Variants in ZMYM2 observed in about 807,000 individuals in gnomAD.
ZMYM2 encodes zinc finger MYM-type protein 2.
ZMYM2 carries 56 observed loss-of-function variants against 162.8 expected under a neutral mutation model. The ratio of observed to expected loss-of-function variants is 0.34; its 90% CI spans 0.28 to 0.43. The LOEUF is 0.43. Ranked by LOEUF, ZMYM2 falls within the 20% of genes least tolerant of loss-of-function variation. The probability of loss-of-function intolerance (pLI) is 1.00; values close to 1 mark genes in which losing one functional copy is unlikely to be tolerated. For synonymous variants in ZMYM2, 510 were observed against 541.6 expected (o/e 0.94, Z 0.81); for missense variants, 1,275 against 1,621.8 (o/e 0.79, Z 3.67).
chr13:20,067,425 T>G (rs747695659), intron 21 of ZMYM2, 35 bp downstream of exon 21: 3 of 1,546,258 alleles, frequency 1.9e-6, no homozygotes, highest in East Asian at 4.6e-5. Flanking sequence ...AAGTATAACA[T>G]TAATAAGAAA....
chr13:19,919,687 T>C, the ZMYM2 span, among the ~76,000 whole-genome samples: 127 of 151,834 alleles, frequency 8.4e-4, no homozygotes, highest in African/African-American at 3.0e-3. Context: ...TTTCTTTTTT[T>C]TTTTTTTGAA....
the ZMYM2 span, among the ~76,000 whole-genome samples, chr13:19,890,234 C>T: frequency 6.6e-6 from 1 of 151,768 alleles, no homozygotes; most frequent in African/African-American, 2.4e-5. Flanking sequence ...GTGGTGTGAG[C>T]TCAGCTCATG....
In ZMYM2 at chr13:20,051,249, A is replaced by C. The variant is rs1271556856; in HGVS notation, c.2293-184A>C. ...ATAGGATGGACTTTGTCAACTGTGA[A>C]ATTGTATTTTTTTTTTTTTTTTTCA... is the stretch of plus-strand genomic sequence containing the variant. On this transcript the variant is annotated intron_variant, in intron 12 of 24. Transcript: ENST00000610343. 2.4e-4 allele frequency among the ~76,000 whole-genome samples: 7 copies of C among 29,730 alleles called. No homozygotes were observed. The East Asian group carries it at 4.1e-3, about 17-fold the overall frequency. 19.5% of individuals were successfully genotyped at this position (29,730 alleles called of 152,430 possible).
At position 19,993,306 on chromosome 13, in the gene ZMYM2, T is replaced by A; in HGVS notation, c.234T>A (p.Asp78Glu). ...PPPPSVPVVA[D>E]QRTITFTSSK... ...CACCTTCTGTACCAGTGGTAGCTGA[T>A]CAAAGAACCATAACATTTACATCAT... The change falls in exon 3 of 25, where the codon GAT becomes GAA. Residue 78 changes from aspartate to glutamate, a missense_variant. This residue lies in a region of ZMYM2 where 295 missense variants were observed against 286.7 expected (regional missense o/e 1.03). Coordinates refer to ENST00000610343, the MANE Select transcript of ZMYM2 (RefSeq NM_197968.4). The A allele has an allele frequency of 6.2e-7, 1 of 1,613,890 alleles. No homozygotes were observed. The highest frequency in any genetic ancestry group is 8.5e-7 in the Non-Finnish European group (1 of 1,179,870).
At chr13:20,046,581 ATGTGTGTGTGTG>A (rs1249162923) in intron 12 of ZMYM2, among the ~76,000 whole-genome samples, 70 of 117,512 alleles carry the variant, frequency 6.0e-4, no homozygotes, top group South Asian at 1.7e-3. Context: ...ATATATATAT[ATGTGTGTGTGTG>A]TGTGTGTGTG....
chr13:20,045,360 G>T (rs1954673198), intron 12 of ZMYM2, among the ~76,000 whole-genome samples: 1 of 152,076 alleles, frequency 6.6e-6, no homozygotes, highest in East Asian at 1.9e-4. Flanking sequence ...AGACTAAGAG[G>T]TTTGATGTAC....
chr13:20,051,374 A>G, intron 12 of ZMYM2, 59 bp from the exon 13 acceptor site: 1 of 1,573,964 alleles, frequency 6.4e-7, no homozygotes. Context: ...TCACTGATAA[A>G]CTTCTGGAAA....
At chr13:19,876,227 A>G in the ZMYM2 span, among the ~76,000 whole-genome samples, 3 of 152,042 alleles carry the variant, frequency 2.0e-5, no homozygotes, top group Non-Finnish European at 4.4e-5. Flanking sequence ...AGGTTTCACC[A>G]TGTTGGCCAG....
At chr13:19,887,609 C>T in the ZMYM2 span, among the ~76,000 whole-genome samples, 3 of 151,230 alleles carry the variant, frequency 2.0e-5, no homozygotes, top group African/African-American at 4.9e-5. Context: ...TAAGAAACCT[C>T]GTGATTTTTG....
chr13:20,001,246 G>A (rs981989265), intron 3 of ZMYM2, among the ~76,000 whole-genome samples: 1 of 152,012 alleles, frequency 6.6e-6, no homozygotes, highest in African/African-American at 2.4e-5. Flanking sequence ...ATAAAAATCA[G>A]CTAGGTGTGG....
At chr13:19,871,924 A>C in the ZMYM2 span, among the ~76,000 whole-genome samples, 1 of 152,120 alleles carries the variant, frequency 6.6e-6, no homozygotes, top group Admixed American at 6.6e-5. Context: ...TTTAAAATGC[A>C]CATGTGTAGA....
At chr13:20,029,214 A>G (rs1952852825) in intron 9 of ZMYM2, among the ~76,000 whole-genome samples, 1 of 152,222 alleles carries the variant, frequency 6.6e-6, no homozygotes, top group African/African-American at 2.4e-5. Context: ...TTCCTCATAG[A>G]TGGTACCTTC....
chr13:19,865,689 A>G, the ZMYM2 span, among the ~76,000 whole-genome samples: 8 of 152,326 alleles, frequency 5.3e-5, no homozygotes, highest in Non-Finnish European at 1.0e-4. Context: ...GATACTGTTC[A>G]AAGATTAAAA....
At chr13:20,078,166 G>A (rs1957648936) in intron 21 of ZMYM2, among the ~76,000 whole-genome samples, 1 of 151,458 alleles carries the variant, frequency 6.6e-6, no homozygotes, top group Admixed American at 6.6e-5. Context: ...TTTTTTCTTG[G>A]GCGTAGCATC....
intron 19 of ZMYM2, among the ~76,000 whole-genome samples, chr13:20,066,410 T>C (rs557048264): frequency 6.6e-6 from 1 of 152,184 alleles, no homozygotes; most frequent in Non-Finnish European, 1.5e-5. Flanking sequence ...CCTAAAAAGC[T>C]AACTACTAGT....
chr13:20,032,835 C>T (rs2140327914), intron 10 of ZMYM2, among the ~76,000 whole-genome samples: 1 of 152,120 alleles, frequency 6.6e-6, no homozygotes, highest in African/African-American at 2.4e-5. Context: ...TCTTGATCTC[C>T]TGGCCTCAGG....
the ZMYM2 span, among the ~76,000 whole-genome samples, chr13:19,918,064 A>G: frequency 1.3e-5 from 2 of 152,190 alleles, no homozygotes; most frequent in African/African-American, 4.8e-5. Context: ...CTCAAAAAAC[A>G]AAAGAAAAAG....
chr13:20,078,302 A>AC (rs1255391691), intron 21 of ZMYM2, among the ~76,000 whole-genome samples: 1 of 141,198 alleles, frequency 7.1e-6, no homozygotes, highest in Non-Finnish European at 1.5e-5. Flanking sequence ...CGTTTAATAA[A>AC]ACAACTGATT....
At chr13:20,046,228 A>C (rs1954768252) in intron 12 of ZMYM2, among the ~76,000 whole-genome samples, 1 of 152,066 alleles carries the variant, frequency 6.6e-6, no homozygotes, top group Non-Finnish European at 1.5e-5. Flanking sequence ...CCTGGGTGAC[A>C]GAGCAAGACC....
Sources: allele counts gnomAD v4.1 joint callset (sites outside exome capture counted in the v4.1 genomes callset), GRCh38; gene constraint gnomAD v4.1.1; regional missense constraint gnomAD v4.1.1; transcripts MANE v1.5; gene names NCBI Gene and HGNC (gene_info 2026-07-23, HGNC 2026-07-21).